PCMT1: variants seen among roughly 807,000 people sequenced by gnomAD.
The protein encoded by PCMT1 is protein-L-isoaspartate (D-aspartate) O-methyltransferase.
Under a neutral mutation model 29.2 loss-of-function variants are expected in PCMT1, and 9 were observed. The ratio of observed to expected loss-of-function variants is 0.31; its 90% CI spans 0.19 to 0.54. PCMT1 has a LOEUF of 0.54. PCMT1 is among the 20% of genes least tolerant of loss of function. PCMT1 has a pLI of 0.95. For missense variants in PCMT1, 184 were observed against 282.2 expected (o/e 0.65, Z 2.49); for synonymous variants, 98 against 97.5 (o/e 1.00, Z -0.03).
intron 1 of PCMT1, among the ~76,000 whole-genome samples, chr6:149,757,059 C>T (rs962284705): frequency 6.6e-6 from 1 of 152,108 alleles, no homozygotes; most frequent in Non-Finnish European, 1.5e-5. Context: ...GAGGCTGAAG[C>T]AGGAGAATCG....
intron 1 of PCMT1, among the ~76,000 whole-genome samples, chr6:149,759,259 A>G (rs575732835): frequency 2.2e-4 from 33 of 152,308 alleles, no homozygotes; most frequent in African/African-American, 7.7e-4. Context: ...CTTAGCATCT[A>G]TCATGCCTAA....
In PCMT1 at chr6:149,767,451, A is replaced by AATTTTT. The variant is rs201827278; in HGVS notation, c.56-3700_56-3695dup. Reference sequence around the variant, plus strand: ...TTACTTTGCTTTGAATCTTGCTCTTAATTTTTATTTTTATTTATTGAGACA... The same window carrying AATTTTT: ...TTACTTTGCTTTGAATCTTGCTCTTAATTTTTATTTTTATTTTTATTTATTGAGACA... On this transcript the variant is annotated intron_variant, in intron 1 of 7. Transcript: ENST00000464889. Among the ~76,000 whole-genome samples the AATTTTT allele has an allele frequency of 9.7e-3, 1,478 of 151,624 alleles. 28 individuals are homozygous for AATTTTT. Among genetic ancestry groups the AATTTTT allele is most frequent in the Middle Eastern group, 0.071 (21 of 294 alleles).
At chr6:149,773,795 A>T (rs1454741184) in intron 3 of PCMT1, among the ~76,000 whole-genome samples, 1 of 152,190 alleles carries the variant, frequency 6.6e-6, no homozygotes, top group Admixed American at 6.5e-5. Flanking sequence ...TAATTAATGG[A>T]GATAATATTT....
chr6:149,806,223 G>T (rs371091473), intron 7 of PCMT1, among the ~76,000 whole-genome samples: 1 of 152,146 alleles, frequency 6.6e-6, no homozygotes, highest in Non-Finnish European at 1.5e-5. Flanking sequence ...TTACAGTAAC[G>T]TAGGAGATGC....
At chr6:149,807,312 A>C (rs1180527800) in intron 7 of PCMT1, among the ~76,000 whole-genome samples, 1 of 152,054 alleles carries the variant, frequency 6.6e-6, no homozygotes, top group Non-Finnish European at 1.5e-5. Context: ...TTTTATTTTA[A>C]ATAAATAATT....
chr6:149,787,948 C>T (rs989537156), intron 3 of PCMT1, among the ~76,000 whole-genome samples: 5 of 151,950 alleles, frequency 3.3e-5, no homozygotes, highest in African/African-American at 9.7e-5. Context: ...CTTGCTCTGT[C>T]GCCCAGGCTG....
intron 7 of PCMT1, among the ~76,000 whole-genome samples, chr6:149,809,579 T>A (rs988729643): frequency 6.6e-6 from 1 of 152,106 alleles, no homozygotes; most frequent in Admixed American, 6.5e-5. Flanking sequence ...AAATTTAGTT[T>A]AAAAAAATTG....
At chr6:149,754,813 C>T (rs1455300866) in intron 1 of PCMT1, among the ~76,000 whole-genome samples, 1 of 152,136 alleles carries the variant, frequency 6.6e-6, no homozygotes, top group Non-Finnish European at 1.5e-5. Flanking sequence ...ACTTAGTAGC[C>T]TATTTGGTTA....
At chr6:149,802,630 T>TTGTG in intron 7 of PCMT1, 1 of 464,462 alleles carries the variant, frequency 2.2e-6, no homozygotes, top group Admixed American at 4.9e-5. Context: ...TTTGTTTGTT[T>TTGTG]TTTTTTTAGA....
intron 7 of PCMT1, among the ~76,000 whole-genome samples, chr6:149,808,807 T>C (rs1428043930): frequency 1.3e-5 from 2 of 151,784 alleles, no homozygotes; most frequent in Non-Finnish European, 1.5e-5. Context: ...CGGCTAATTA[T>C]TTGTATTTTT....
At chr6:149,786,738 C>T (rs1013817909) in intron 3 of PCMT1, among the ~76,000 whole-genome samples, 2 of 149,544 alleles carry the variant, frequency 1.3e-5, no homozygotes, top group African/African-American at 5.0e-5. Context: ...CAGAGGCGCT[C>T]CCCACATCTC....
chr6:149,765,157 G>C (rs1463448942), intron 1 of PCMT1, among the ~76,000 whole-genome samples: 1 of 150,750 alleles, frequency 6.6e-6, no homozygotes, highest in Non-Finnish European at 1.5e-5. Context: ...TCAGGAGATC[G>C]AGACCATCCT....
intron 6 of PCMT1, 47 bp from the exon 7 acceptor site, chr6:149,802,153 A>G: frequency 7.5e-7 from 1 of 1,328,630 alleles, no homozygotes; most frequent in Non-Finnish European, 1.0e-6. Context: ...AAAATAAAAT[A>G]AAATCTGTAA....
At chr6:149,790,200 TTTG>T (rs1788300313) in intron 4 of PCMT1, 142 bp downstream of exon 4, 1 of 599,554 alleles carries the variant, frequency 1.7e-6, no homozygotes, top group Non-Finnish European at 2.9e-6. Context: ...CACTTAGGAT[TTTG>T]TTGTTGTTGC....
intron 7 of PCMT1, among the ~76,000 whole-genome samples, chr6:149,805,754 G>A (rs1775993783): frequency 6.6e-6 from 1 of 151,106 alleles, no homozygotes; most frequent in Non-Finnish European, 1.5e-5. Flanking sequence ...TGGCCAACAT[G>A]GTGAAACTCC....
Position 149,749,825 on chromosome 6 carries a change from T to G in PCMT1, c.-77T>G. The G allele has an allele frequency of 6.4e-7, 1 of 1,560,642 alleles. No homozygotes were observed. The highest frequency in any genetic ancestry group is 1.2e-5 in the South Asian group (1 of 85,106). On this transcript the variant is annotated 5_prime_UTR_variant, in exon 1 of 8. Coordinates refer to ENST00000464889, the MANE Select transcript of PCMT1 (RefSeq NM_001360452.2). ...GGGGCGGTGACGGTGTGGGAGGTGG[T>G]CTCACTCTTGGGAAAACTGCTGGGC...
chr6:149,790,134 G>A (rs1788295588), intron 4 of PCMT1, 76 bp downstream of exon 4: 1 of 796,450 alleles, frequency 1.3e-6, no homozygotes, highest in Admixed American at 2.6e-5. Context: ...TTTAACTAGT[G>A]GTTTTCATGT....
In PCMT1 at chr6:149,773,271, T is replaced by C. The variant is rs944312460; in HGVS notation, c.192+102T>C. 5.5e-6 allele frequency: 5 copies of C among 913,900 alleles called. No individual in the cohort carries two copies. The African/African-American group carries it at 8.4e-5, about 15-fold the overall frequency. 56.6% of individuals were successfully genotyped at this position (913,900 alleles called of 1,614,324 possible). A position where few individuals can be genotyped will look rare whatever the true frequency, so the allele number is the denominator to read the frequency against. On this transcript the variant is annotated intron_variant, in intron 3 of 7. Transcript: ENST00000464889. ...TAAAGAAAGTTGTATCAATTTATCA[T>C]CTATGAGTTATGTGAATTGGTAATG... is the stretch of plus-strand genomic sequence containing the variant.
intron 7 of PCMT1, among the ~76,000 whole-genome samples, chr6:149,809,703 C>T (rs1394345347): frequency 3.9e-5 from 6 of 152,074 alleles, no homozygotes; most frequent in Admixed American, 3.9e-4. Context: ...TTATTGCCAA[C>T]AAGTTGCTAG....
Sources: allele counts gnomAD v4.1 joint callset (sites outside exome capture counted in the v4.1 genomes callset), GRCh38; gene constraint gnomAD v4.1.1; transcripts MANE v1.5; gene names NCBI Gene and HGNC (gene_info 2026-07-23, HGNC 2026-07-21).